The following ADAM10 variants were observed in gnomAD, a reference collection of about 807,000 sequenced individuals.
ADAM10 encodes disintegrin and metalloproteinase domain-containing protein 10.
A neutral mutation model predicts 90.1 loss-of-function variants in ADAM10; 17 were observed. The observed-to-expected ratio is 0.19, with a 90% confidence interval of 0.13 to 0.28. ADAM10 has a LOEUF of 0.28. ADAM10 is among the 10% of genes least tolerant of loss of function. The pLI, the probability that ADAM10 is intolerant of heterozygous loss-of-function variation, is 1.00. For missense variants in ADAM10, 610 were observed against 914.3 expected (o/e 0.67, Z 4.29); for synonymous variants, 310 against 298.6 (o/e 1.04, Z -0.40).
At chr15:58,743,016 C>T (rs1899665696) in intron 1 of ADAM10, among the ~76,000 whole-genome samples, 1 of 152,062 alleles carries the variant, frequency 6.6e-6, no homozygotes, top group Admixed American at 6.5e-5. Flanking sequence ...TGACATCACA[C>T]CACTGTACTT....
intron 11 of ADAM10, among the ~76,000 whole-genome samples, chr15:58,615,040 CG>C (rs1566967997): frequency 6.6e-6 from 1 of 152,020 alleles, no homozygotes; most frequent in African/African-American, 2.4e-5. Context: ...TTTGGGAGGC[CG>C]AGGCAGGCAG....
At chr15:58,643,706 A>T (rs1253332277) in intron 7 of ADAM10, among the ~76,000 whole-genome samples, 180 bp downstream of exon 7, 3 of 152,206 alleles carry the variant, frequency 2.0e-5, no homozygotes, top group African/African-American at 7.2e-5. Context: ...CATAAACCCA[A>T]GTATCTGTGT....
At chr15:58,728,001 A>AAAAT (rs1179018447) in intron 1 of ADAM10, among the ~76,000 whole-genome samples, 1 of 152,234 alleles carries the variant, frequency 6.6e-6, no homozygotes, top group Non-Finnish European at 1.5e-5. Flanking sequence ...AAGATTATTA[A>AAAAT]AAACTTAAAC....
intron 14 of ADAM10, among the ~76,000 whole-genome samples, chr15:58,604,912 T>G (rs2140992267): frequency 6.6e-6 from 1 of 152,224 alleles, no homozygotes; most frequent in African/African-American, 2.4e-5. Context: ...ATTCATTTAT[T>G]TATTTATTTG....
chr15:58,611,125 G>T lies in ADAM10; in HGVS notation c.1696-18C>A. The T allele has an allele frequency of 6.3e-7, 1 of 1,587,588 alleles. No homozygotes were observed. The highest frequency in any genetic ancestry group is 8.7e-7 in the Non-Finnish European group (1 of 1,156,012). The stretch of plus-strand genomic sequence containing the variant: ...GCACATTGCTAGAAGAAAAATAAAA[G>T]ACAAATTGTTTAATCCCTATACAGT... On this transcript the variant is annotated intron_variant, in intron 12 of 15. Transcript: ENST00000260408.
At chr15:58,747,391 T>G (rs891887217) in intron 1 of ADAM10, 1 of 152,154 alleles carries the variant, frequency 6.6e-6, no homozygotes, top group African/African-American at 2.4e-5. Flanking sequence ...TACCTGAAAA[T>G]GATTTACATT....
intron 9 of ADAM10, among the ~76,000 whole-genome samples, chr15:58,631,954 C>A (rs1896114956): frequency 6.6e-6 from 1 of 152,130 alleles, no homozygotes; most frequent in Non-Finnish European, 1.5e-5. Context: ...GAGATGGCAC[C>A]TATTTTACAA....
At chr15:58,716,137 C>T (rs1898651108) in intron 2 of ADAM10, among the ~76,000 whole-genome samples, 1 of 152,010 alleles carries the variant, frequency 6.6e-6, no homozygotes, top group Non-Finnish European at 1.5e-5. Flanking sequence ...ACGGAAAATA[C>T]ATTAATTTAA....
In ADAM10 at chr15:58,749,570, C is replaced by A. The variant is rs1438929453; in HGVS notation, c.-36G>T. On this transcript the variant is annotated 5_prime_UTR_variant, in exon 1 of 16. Coordinates refer to ENST00000260408, the MANE Select transcript of ADAM10 (RefSeq NM_001110.4). ...CGCTGCCGCCGCCGCCGCCTCCTCACGGGTTAACAGCAGCACATCGATCCG... is the reference window on the plus strand; with the variant it reads ...CGCTGCCGCCGCCGCCGCCTCCTCAAGGGTTAACAGCAGCACATCGATCCG... 3 of 1,549,228 alleles carry A rather than the reference C, an allele frequency of 1.9e-6. No homozygotes were observed. The highest frequency in any genetic ancestry group is 3.9e-5 in the Admixed American group (2 of 50,858).
chr15:58,676,181 C>T (rs1897299332), intron 4 of ADAM10: 6 of 410,722 alleles, frequency 1.5e-5, no homozygotes, highest in South Asian at 1.1e-4. Context: ...GAAGTAAAGG[C>T]AGTGAGAATT....
At chr15:58,728,538 G>A (rs1358742754) in intron 1 of ADAM10, among the ~76,000 whole-genome samples, 1 of 151,548 alleles carries the variant, frequency 6.6e-6, no homozygotes, top group Admixed American at 6.6e-5. Flanking sequence ...TGAGGCATTC[G>A]AGACCAGCCT....
rs769812742 is a variant in ADAM10, at chr15:58,627,861, G to A, written c.1199C>T (p.Thr400Ile). ...GSPHDSGTECTPGESKNLGQK... is the reference protein window; with the variant it reads ...GSPHDSGTECIPGESKNLGQK... ...ACCCAAATTCTTAGATTCTCCTGGT[G>A]TGCACTCTGTTCCAGAATCATGCTG... is the stretch of plus-strand genomic sequence containing the variant. Residue 400 changes from threonine to isoleucine, a missense_variant, in exon 10 of 16, where the codon ACA (threonine) becomes ATA (isoleucine). Thr to Ile is a moderately conservative substitution (Grantham distance 89). This residue lies in a region of ADAM10 where 97 missense variants were observed against 221.4 expected (regional missense o/e 0.44). Coordinates refer to ENST00000260408, the MANE Select transcript of ADAM10 (RefSeq NM_001110.4). The A allele has an allele frequency of 1.2e-6, 2 of 1,613,458 alleles. No individual in the cohort carries two copies. Among genetic ancestry groups the A allele is most frequent in the Non-Finnish European group, 1.7e-6 (2 of 1,179,736 alleles).
chr15:58,661,758 C>T lies in ADAM10; in HGVS notation c.585+3339G>A, dbSNP rs906469185. Among the ~76,000 whole-genome samples, 9 of 152,172 alleles carry T rather than the reference C, an allele frequency of 5.9e-5. No individual in the cohort carries two copies. In the South Asian group the frequency reaches 1.7e-3, roughly 28 times the overall value. ...TTTTTCTGCATCTCTTCCTGCTGGA[C>T]GTCAATTATTTTCCCTCTGTGCTTA... is the stretch of plus-strand genomic sequence containing the variant. On this transcript the variant is annotated intron_variant, in intron 5 of 15. Transcript: ENST00000260408.
chr15:58,724,412 C>T (rs371090161), intron 1 of ADAM10, among the ~76,000 whole-genome samples: 64 of 152,152 alleles, frequency 4.2e-4, no homozygotes, highest in African/African-American at 1.4e-3. Flanking sequence ...CTGAATTTAG[C>T]CTACCACCAT....
At chr15:58,724,160 G>C (rs1478898417) in intron 1 of ADAM10, among the ~76,000 whole-genome samples, 2 of 150,250 alleles carry the variant, frequency 1.3e-5, no homozygotes, top group African/African-American at 4.9e-5. Context: ...CTAGGCAACA[G>C]AGCAAGACTC....
At chr15:58,639,895 T>TA (rs1312032339) in intron 8 of ADAM10, among the ~76,000 whole-genome samples, 110 of 146,650 alleles carry the variant, frequency 7.5e-4, no homozygotes, top group East Asian at 1.6e-3. Flanking sequence ...GAAGTTTTTT[T>TA]TAAAAAAAAA....
At chr15:58,635,070 G>T (rs1337926847) in intron 8 of ADAM10, among the ~76,000 whole-genome samples, 1 of 151,494 alleles carries the variant, frequency 6.6e-6, no homozygotes, top group African/African-American at 2.4e-5. Flanking sequence ...GAAACACAAG[G>T]TCAGGAGATT....
chr15:58,694,665 CA>C (rs1202059406), intron 2 of ADAM10, among the ~76,000 whole-genome samples: 2 of 151,198 alleles, frequency 1.3e-5, no homozygotes, highest in African/African-American at 2.4e-5. Context: ...TTATAATAGC[CA>C]AAAACTGAAC....
chr15:58,696,502 C>T (rs1897984450), intron 2 of ADAM10, among the ~76,000 whole-genome samples: 1 of 146,394 alleles, frequency 6.8e-6, no homozygotes, highest in Admixed American at 6.8e-5. Context: ...CTCACTCTCT[C>T]TCGCCCAGAC....
Sources: allele counts gnomAD v4.1 joint callset (sites outside exome capture counted in the v4.1 genomes callset), GRCh38; gene constraint gnomAD v4.1.1; regional missense constraint gnomAD v4.1.1; transcripts MANE v1.5; gene names NCBI Gene and HGNC (gene_info 2026-07-23, HGNC 2026-07-21).